Variants in ST18 observed in about 807,000 individuals in gnomAD.
ST18 encodes the protein suppression of tumorigenicity 18 protein.
ST18 carries 50 observed loss-of-function variants against 110.0 expected under a neutral mutation model. That is an observed-to-expected ratio of 0.45 (90% CI 0.36 to 0.58). The LOEUF (loss-of-function observed/expected upper bound fraction) is 0.58. ST18 is among the 20% of genes least tolerant of loss of function. The probability of loss-of-function intolerance (pLI) is 0.00; values close to 1 mark genes in which losing one functional copy is unlikely to be tolerated. For synonymous variants in ST18, 461 were observed against 452.4 expected (o/e 1.02, Z -0.24); for missense variants, 1,306 against 1,280.1 (o/e 1.02, Z -0.31).
intron 9 of ST18, among the ~76,000 whole-genome samples, chr8:52,176,760 C>A (rs2134012841): frequency 6.6e-6 from 1 of 152,314 alleles, no homozygotes. Flanking sequence ...AACTTTAAAA[C>A]ATCCTCTGAA....
intron 2 of ST18, among the ~76,000 whole-genome samples, chr8:52,367,396 T>C (rs1002043279): frequency 5.3e-5 from 8 of 152,086 alleles, no homozygotes; most frequent in Non-Finnish European, 1.2e-4. Flanking sequence ...CACTCCAGCC[T>C]GGGCAATAGA....
At chr8:52,264,127 A>T (rs2094793384) in intron 2 of ST18, among the ~76,000 whole-genome samples, 1 of 152,118 alleles carries the variant, frequency 6.6e-6, no homozygotes, top group Non-Finnish European at 1.5e-5. Context: ...ATAAGTGAAA[A>T]CTATCAGAGT....
intron 9 of ST18, among the ~76,000 whole-genome samples, chr8:52,176,725 G>C (rs551377163): frequency 6.6e-6 from 1 of 152,376 alleles, no homozygotes; most frequent in Non-Finnish European, 1.5e-5. Flanking sequence ...TCCCGGCATA[G>C]ATGTTGGCTG....
intron 2 of ST18, among the ~76,000 whole-genome samples, chr8:52,324,039 C>T (rs1805170801): frequency 6.6e-6 from 1 of 152,210 alleles, no homozygotes; most frequent in Admixed American, 6.5e-5. Context: ...CAGCTTGAAG[C>T]TCAACCCTTG....
intron 25 of ST18, among the ~76,000 whole-genome samples, chr8:52,114,231 A>G (rs1038030724): frequency 6.6e-6 from 1 of 151,912 alleles, no homozygotes; most frequent in Non-Finnish European, 1.5e-5. Context: ...CGGCCTCCCA[A>G]AGTGCTGGGA....
intron 2 of ST18, among the ~76,000 whole-genome samples, chr8:52,354,327 C>T (rs1033712281): frequency 1.1e-4 from 17 of 152,144 alleles, no homozygotes; most frequent in African/African-American, 3.9e-4. Flanking sequence ...TGATGGTTGC[C>T]TCGACCGAGT....
chr8:52,308,222 G>A (rs7016483), intron 2 of ST18, among the ~76,000 whole-genome samples: 50,747 of 151,974 alleles, frequency 0.33, 8,613 homozygotes, highest in Middle Eastern at 0.49. Flanking sequence ...AAACCAAGGC[G>A]AAAAAACCAC....
chr8:52,198,347 C>T (rs2076863754), intron 8 of ST18, among the ~76,000 whole-genome samples: 1 of 152,224 alleles, frequency 6.6e-6, no homozygotes, highest in Admixed American at 6.5e-5. Flanking sequence ...AATTTCACTT[C>T]TTGACATTTA....
intron 2 of ST18, among the ~76,000 whole-genome samples, chr8:52,265,922 C>T (rs1259722506): frequency 6.6e-6 from 1 of 152,080 alleles, no homozygotes; most frequent in South Asian, 2.1e-4. Context: ...CACCATAGAA[C>T]AAGCTCATAT....
intron 16 of ST18, among the ~76,000 whole-genome samples, chr8:52,146,773 C>CTGTT (rs1563680744): frequency 2.0e-5 from 3 of 152,106 alleles, no homozygotes; most frequent in South Asian, 2.1e-4. Context: ...GTGAAAAATA[C>CTGTT]TGTTAGTAGA....
In ST18 at chr8:52,324,294, T is replaced by A. The variant is rs561053054; in HGVS notation, c.-465+85034A>T. ...GTCTCACTAGCAGTCAATTACAGGT[T>A]GATAGATGATGGATGGATGGATGGA... On this transcript the variant is annotated intron_variant, in intron 2 of 25. Coordinates refer to ENST00000689386, the MANE Select transcript of ST18 (RefSeq NM_001352837.2). Among the ~76,000 whole-genome samples the A allele has an allele frequency of 5.3e-5, 8 of 151,188 alleles. No homozygotes were observed. The South Asian group carries it at 1.7e-3, about 32-fold the overall frequency.
At chr8:52,362,193 T>C (rs1009887496) in intron 2 of ST18, among the ~76,000 whole-genome samples, 2 of 152,236 alleles carry the variant, frequency 1.3e-5, no homozygotes, top group African/African-American at 4.8e-5. Context: ...AATACTGTAA[T>C]GTGATGTCAT....
chr8:52,116,528 A>C (rs533814858), intron 24 of ST18, 110 bp from the exon 25 acceptor site: 4 of 1,081,352 alleles, frequency 3.7e-6, no homozygotes, highest in East Asian at 5.0e-5. Context: ...AGAGATGCAG[A>C]GATGCATGCG....
At chr8:52,386,954 G>A (rs918154506) in intron 2 of ST18, among the ~76,000 whole-genome samples, 9 of 152,048 alleles carry the variant, frequency 5.9e-5, no homozygotes, top group Non-Finnish European at 1.3e-4. Flanking sequence ...CTTTCTAAAC[G>A]GGCTTTCTAA....
At chr8:52,319,794 T>C (rs1416675844) in intron 2 of ST18, among the ~76,000 whole-genome samples, 5 of 152,194 alleles carry the variant, frequency 3.3e-5, no homozygotes, top group Admixed American at 6.5e-5. Flanking sequence ...TGGACTTGCA[T>C]GCCTGGCAAT....
Position 52,166,851 on chromosome 8 carries a change from CT to C in ST18, c.1204del (p.Ile402PhefsTer22). Reference protein sequence around the residue: ...CPHKVRVPLEILAMHENVLKC... With the variant: ...CPHKVRVPLEXLAMHENVLKC... ...AGCTTTGAGGGACAAGTGGTACTCA[CT>C]TTCCAGGGGAACCCGCACTTTGTGG... is the stretch of plus-strand genomic sequence containing the variant. On this transcript the variant is annotated frameshift_variant and splice_region_variant, in exon 11 of 26. Transcript: ENST00000689386. LOFTEE classifies it high-confidence loss of function. The C allele has an allele frequency of 6.3e-7, 1 of 1,577,162 alleles. No homozygotes were observed. The highest frequency in any genetic ancestry group is 1.1e-5 in the South Asian group (1 of 87,318).
intron 11 of ST18, among the ~76,000 whole-genome samples, chr8:52,165,924 G>A (rs944311542): frequency 8.5e-5 from 13 of 152,220 alleles, no homozygotes; most frequent in African/African-American, 2.9e-4. Context: ...AATGTAGAAG[G>A]TGGCAGCCCT....
chr8:52,127,627 C>G (rs956900543), intron 22 of ST18, among the ~76,000 whole-genome samples: 5 of 152,102 alleles, frequency 3.3e-5, no homozygotes, highest in Non-Finnish European at 7.4e-5. Flanking sequence ...AGACAACATG[C>G]CAGAGAACTT....
intron 2 of ST18, among the ~76,000 whole-genome samples, chr8:52,372,100 C>T (rs1182873602): frequency 6.6e-6 from 1 of 152,116 alleles, no homozygotes; most frequent in Non-Finnish European, 1.5e-5. Context: ...CCCCTGAACA[C>T]CTTCCAGTGA....
Sources: gnomAD v4.1 joint callset for allele counts (sites outside exome capture counted in the v4.1 genomes callset) on GRCh38, gnomAD v4.1.1 for gene constraint, MANE v1.5 for transcripts, NCBI Gene and HGNC (gene_info 2026-07-23, HGNC 2026-07-21) for gene names.